Variants in MTA3 observed in about 807,000 individuals in gnomAD.
The protein encoded by MTA3 is metastasis-associated protein MTA3.
MTA3 carries 34 observed loss-of-function variants against 83.5 expected under a neutral mutation model. The ratio of observed to expected loss-of-function variants is 0.41; its 90% CI spans 0.31 to 0.54. The LOEUF is 0.54. Ranked by LOEUF, MTA3 falls within the 20% of genes least tolerant of loss-of-function variation. The pLI is 0.33. For synonymous variants in MTA3, 303 were observed against 252.7 expected (o/e 1.20, Z -1.89); for missense variants, 761 against 726.4 (o/e 1.05, Z -0.55).
Position 42,626,416 on chromosome 2 carries a change from G to T in MTA3, c.318-13757G>T, listed in dbSNP as rs1205935454. On this transcript the variant is annotated intron_variant, in intron 4 of 16. Transcript: ENST00000405094. ...GGGCTCAAGCGATTCTCCTGCCTCC[G>T]CCTCCAGGGTAGCTGGCATTAAAGG... is the stretch of plus-strand genomic sequence containing the variant. 2.0e-5 allele frequency among the ~76,000 whole-genome samples: 3 copies of T among 151,508 alleles called. No individual in the cohort carries two copies. In the East Asian group the frequency reaches 5.8e-4, roughly 29 times the overall value.
intron 2 of MTA3, among the ~76,000 whole-genome samples, chr2:42,504,066 G>C (rs190547263): frequency 9.9e-5 from 15 of 151,884 alleles, no homozygotes; most frequent in Middle Eastern, 3.4e-3. Flanking sequence ...TGGGATTACA[G>C]GCAGCTGTCA....
chr2:42,575,148 A>G (rs191785908), intron 2 of MTA3, among the ~76,000 whole-genome samples: 139 of 152,302 alleles, frequency 9.1e-4, no homozygotes, highest in Non-Finnish European at 7.2e-4. Flanking sequence ...CTTACTTGGC[A>G]CAAAGCACAA....
At position 42,568,654 on chromosome 2, in the gene MTA3, G is replaced by T; in HGVS notation, c.-92G>T. 1 of 939,308 alleles carries T rather than the reference G, an allele frequency of 1.1e-6. No individual in the cohort carries two copies. The highest frequency in any genetic ancestry group is 1.3e-6 in the Non-Finnish European group (1 of 745,436). 58.2% of individuals were successfully genotyped at this position (939,308 alleles called of 1,614,324 possible). Reference sequence around the variant, plus strand: ...CCCGTGGCGAGGCAGCAGCGACGGCGGCGGCGGCAGCGGCGGTCGCGGCTG... The same window carrying T: ...CCCGTGGCGAGGCAGCAGCGACGGCTGCGGCGGCAGCGGCGGTCGCGGCTG... On this transcript the variant is annotated 5_prime_UTR_variant, in exon 1 of 17. Coordinates refer to ENST00000405094, the MANE Select transcript of MTA3 (RefSeq NM_001330442.2).
At position 42,594,514 on chromosome 2, in the gene MTA3, A is replaced by G. The variant is rs191395425; in HGVS notation, c.191-14944A>G. Among the ~76,000 whole-genome samples, 1,035 of 150,520 alleles carry G rather than the reference A, an allele frequency of 6.9e-3. 12 individuals are homozygous for G. Among genetic ancestry groups the G allele is most frequent in the African/African-American group, 0.023 (949 of 41,034 alleles). ...CGGACTCCCAAAGTGCCGGGATTAC[A>G]GGTGGGAGCCACTGCACCAGGCCTA... is the stretch of plus-strand genomic sequence containing the variant. On this transcript the variant is annotated intron_variant, in intron 3 of 16. Coordinates refer to ENST00000405094, the MANE Select transcript of MTA3 (RefSeq NM_001330442.2).
intron 2 of MTA3, among the ~76,000 whole-genome samples, chr2:42,571,106 T>C (rs1019146210): frequency 1.3e-5 from 2 of 151,308 alleles, no homozygotes; most frequent in African/African-American, 2.4e-5. Context: ...AAAGATGAGA[T>C]TTTAGGCTGG....
chr2:42,663,248 G>C (rs1689902397), intron 8 of MTA3, among the ~76,000 whole-genome samples: 1 of 152,160 alleles, frequency 6.6e-6, no homozygotes, highest in Non-Finnish European at 1.5e-5. Context: ...TCTCGTGGCA[G>C]CTGGGCTGAC....
At chr2:42,587,631 T>C (rs967018572) in intron 3 of MTA3, among the ~76,000 whole-genome samples, 1 of 152,110 alleles carries the variant, frequency 6.6e-6, no homozygotes, top group Non-Finnish European at 1.5e-5. Flanking sequence ...AGTCTGACTC[T>C]TGTCACCCAG....
intron 2 of MTA3, among the ~76,000 whole-genome samples, chr2:42,524,821 A>G (rs1675604140): frequency 6.8e-6 from 1 of 146,508 alleles, no homozygotes; most frequent in South Asian, 2.2e-4. Flanking sequence ...AAACCTATCT[A>G]GCATCCAAAA....
chr2:42,582,586 G>A (rs1158189356), intron 3 of MTA3, among the ~76,000 whole-genome samples: 6 of 152,036 alleles, frequency 3.9e-5, no homozygotes, highest in Non-Finnish European at 7.4e-5. Flanking sequence ...GTAGGAGTTC[G>A]AGATCAGCCT....
At chr2:42,658,621 G>T (rs1389256101) in intron 7 of MTA3, among the ~76,000 whole-genome samples, 1 of 152,106 alleles carries the variant, frequency 6.6e-6, no homozygotes, top group Non-Finnish European at 1.5e-5. Flanking sequence ...CAGGGTGGTG[G>T]TTCCCTGTGG....
intron 4 of MTA3, among the ~76,000 whole-genome samples, chr2:42,614,916 A>G (rs115584508): frequency 0.015 from 2,350 of 151,642 alleles, 54 homozygotes; most frequent in African/African-American, 0.054. Context: ...GTTCAAGGCT[A>G]TAGTGAGCCA....
At chr2:42,692,759 ATGTCTCTGTTTG>A (rs1292699609) in intron 9 of MTA3, among the ~76,000 whole-genome samples, 1 of 152,136 alleles carries the variant, frequency 6.6e-6, no homozygotes, top group African/African-American at 2.4e-5. Context: ...GAAAGGTCAC[ATGTCTCTGTTTG>A]TCCAGCATTG....
chr2:42,738,917 G>A (rs375622958), intron 16 of MTA3, among the ~76,000 whole-genome samples: 7 of 152,226 alleles, frequency 4.6e-5, no homozygotes, highest in South Asian at 4.1e-4. Flanking sequence ...TGGTCAGACC[G>A]GTTGATCTCA....
intron 14 of MTA3, among the ~76,000 whole-genome samples, chr2:42,718,333 C>T (rs1667172114): frequency 6.6e-6 from 1 of 151,800 alleles, no homozygotes; most frequent in South Asian, 2.1e-4. Context: ...CCGCAATGTC[C>T]ACCTCCTGGG....
At chr2:42,746,026 A>G (rs751392278) in intron 16 of MTA3, among the ~76,000 whole-genome samples, 1 of 151,362 alleles carries the variant, frequency 6.6e-6, no homozygotes, top group East Asian at 2.0e-4. Flanking sequence ...GTTAGCCAGG[A>G]TGGTCTCGAT....
intron 4 of MTA3, among the ~76,000 whole-genome samples, chr2:42,619,327 G>A (rs1480009823): frequency 2.6e-5 from 4 of 152,158 alleles, no homozygotes; most frequent in Admixed American, 6.6e-5. Context: ...AGATTGTGAA[G>A]ATATTCTCAA....
intron 2 of MTA3, among the ~76,000 whole-genome samples, chr2:42,548,866 A>ATATATATAATATATATATATAT: frequency 6.0e-5 from 1 of 16,716 alleles, no homozygotes; most frequent in African/African-American, 4.1e-4. Flanking sequence ...TATAATATAT[A>ATATATATAATATATATATATAT]TATATATATA....
intron 5 of MTA3, among the ~76,000 whole-genome samples, chr2:42,643,845 T>C (rs899460641): frequency 6.6e-6 from 1 of 152,230 alleles, no homozygotes; most frequent in Non-Finnish European, 1.5e-5. Flanking sequence ...CTTGAAACTC[T>C]GCTTTAGAGA....
chr2:42,549,239 G>A (rs1166170452), intron 2 of MTA3, among the ~76,000 whole-genome samples: 4 of 128,580 alleles, frequency 3.1e-5, no homozygotes, highest in Non-Finnish European at 4.7e-5. Flanking sequence ...ATATGTATAC[G>A]TATATAATAT....
Sources: gnomAD v4.1 joint callset for allele counts (sites outside exome capture counted in the v4.1 genomes callset) on GRCh38, gnomAD v4.1.1 for gene constraint, MANE v1.5 for transcripts, NCBI Gene and HGNC (gene_info 2026-07-23, HGNC 2026-07-21) for gene names.